LAMA2: variants seen among roughly 807,000 people sequenced by gnomAD.
The protein encoded by LAMA2 is laminin subunit alpha-2.
In LAMA2, 269 loss-of-function variants were observed where a neutral mutation model predicts 364.8. The observed-to-expected ratio is 0.74, with a 90% CI of 0.67 to 0.82. The LOEUF is 0.82. Among genes scored for constraint, LAMA2 ranks in the 40% least tolerant of loss-of-function variants. LAMA2 has a pLI of 0.00. For synonymous variants in LAMA2, 1,379 were observed against 1,370.6 expected (o/e 1.01, Z -0.14); for missense variants, 3,807 against 3,873.2 (o/e 0.98, Z 0.45).
At chr6:128,942,842 T>C (rs1041109968) in intron 1 of LAMA2, among the ~76,000 whole-genome samples, 4 of 152,120 alleles carry the variant, frequency 2.6e-5, no homozygotes, top group Non-Finnish European at 5.9e-5. Context: ...GGGAGCTCAT[T>C]TGGGGTGGCA....
At chr6:128,930,851 G>T (rs1293364835) in intron 1 of LAMA2, among the ~76,000 whole-genome samples, 4 of 152,142 alleles carry the variant, frequency 2.6e-5, no homozygotes, top group Non-Finnish European at 5.9e-5. Flanking sequence ...ATCACAGTGT[G>T]CATCTCAACT....
chr6:129,336,486 T>G (rs930677592), intron 29 of LAMA2, among the ~76,000 whole-genome samples: 18 of 152,230 alleles, frequency 1.2e-4, no homozygotes, highest in African/African-American at 4.3e-4. Context: ...AAACTGTGTA[T>G]GTACCAGGAC....
At chr6:129,238,600 AGAG>A (rs1785175757) in intron 12 of LAMA2, among the ~76,000 whole-genome samples, 1 of 151,916 alleles carries the variant, frequency 6.6e-6, no homozygotes, top group Admixed American at 6.6e-5. Flanking sequence ...AGAGAGAGAG[AGAG>A]AAAGCCCAAG....
At chr6:129,154,872 C>T (rs995964575) in intron 8 of LAMA2, among the ~76,000 whole-genome samples, 189 bp downstream of exon 8, 2 of 152,176 alleles carry the variant, frequency 1.3e-5, no homozygotes, top group African/African-American at 4.8e-5. Context: ...ACTTTTCCAT[C>T]ACTCCAGAAA....
At chr6:129,034,004 T>C (rs377629358) in intron 1 of LAMA2, among the ~76,000 whole-genome samples, 1 of 151,884 alleles carries the variant, frequency 6.6e-6, no homozygotes, top group African/African-American at 2.4e-5. Flanking sequence ...TAATTTTAAA[T>C]GGGTGATGGA....
At chr6:129,140,757 A>C (rs955912765) in intron 4 of LAMA2, among the ~76,000 whole-genome samples, 63 of 152,052 alleles carry the variant, frequency 4.1e-4, no homozygotes, top group Non-Finnish European at 7.8e-4. Context: ...AATACACACA[A>C]AACGGTGGAA....
intron 1 of LAMA2, among the ~76,000 whole-genome samples, chr6:129,013,557 A>T (rs144951479): frequency 2.6e-5 from 4 of 152,332 alleles, no homozygotes; most frequent in Non-Finnish European, 5.9e-5. Flanking sequence ...GTATGAGCAT[A>T]GAAGGTGTGG....
chr6:129,448,417 G>C (rs933531677), intron 45 of LAMA2, among the ~76,000 whole-genome samples: 1 of 152,156 alleles, frequency 6.6e-6, no homozygotes. Context: ...CTTATTTTTT[G>C]TAAGACGTTA....
Position 128,914,934 on chromosome 6 carries a change from C to T in LAMA2, c.112+31577C>T, listed in dbSNP as rs144421944. 1.7e-3 allele frequency among the ~76,000 whole-genome samples: 253 copies of T among 151,980 alleles called. 3 individuals carry two copies. The highest frequency in any genetic ancestry group is 0.015 in the Admixed American group (226 of 15,268). On this transcript the variant is annotated intron_variant, in intron 1 of 64. Transcript: ENST00000421865. ...CATTTTTAAATCATATTAAAAATAG[C>T]AAAAATATTACTTCTTCAAAAATGC...
At chr6:129,170,750 A>T (rs1283489374) in intron 9 of LAMA2, among the ~76,000 whole-genome samples, 2 of 151,900 alleles carry the variant, frequency 1.3e-5, no homozygotes, top group African/African-American at 4.8e-5. Flanking sequence ...TGTCTCGTTG[A>T]TCTGTCTAAT....
chr6:128,992,652 A>C (rs962644060), intron 1 of LAMA2, among the ~76,000 whole-genome samples: 1 of 152,216 alleles, frequency 6.6e-6, no homozygotes, highest in Non-Finnish European at 1.5e-5. Context: ...TTCAACAAAA[A>C]AGTCTGTATT....
At chr6:129,100,481 A>G (rs1367863472) in intron 4 of LAMA2, among the ~76,000 whole-genome samples, 4 of 152,230 alleles carry the variant, frequency 2.6e-5, no homozygotes, top group Non-Finnish European at 5.9e-5. Context: ...TATTCATTTT[A>G]TATAGCTTAC....
At chr6:129,357,130 A>C (rs1214006356) in intron 32 of LAMA2, among the ~76,000 whole-genome samples, 1 of 152,098 alleles carries the variant, frequency 6.6e-6, no homozygotes. Flanking sequence ...TTATAAAATG[A>C]GAACAACTAA....
chr6:129,405,087 C>A (rs147146794), intron 40 of LAMA2, among the ~76,000 whole-genome samples: 140 of 152,178 alleles, frequency 9.2e-4, no homozygotes, highest in African/African-American at 3.2e-3. Flanking sequence ...CTTTTCAAAT[C>A]TAAACTAAAT....
At chr6:128,931,830 A>G (rs11965729) in intron 1 of LAMA2, among the ~76,000 whole-genome samples, 1,540 of 152,282 alleles carry the variant, frequency 0.01, 31 homozygotes, top group African/African-American at 0.035. Context: ...TACATTACAG[A>G]ATTGTTACTT....
chr6:129,118,290 A>C (rs1020160235), intron 4 of LAMA2, among the ~76,000 whole-genome samples: 2 of 152,144 alleles, frequency 1.3e-5, no homozygotes, highest in African/African-American at 4.8e-5. Context: ...AAAAAACAAA[A>C]ACTGGATCTA....
chr6:129,413,240 C>A (rs72979197), intron 40 of LAMA2, among the ~76,000 whole-genome samples: 2,476 of 151,828 alleles, frequency 0.016, 29 homozygotes, highest in Non-Finnish European at 0.025. Context: ...ATAAAAGGAA[C>A]AAGGAAAACT....
chr6:129,164,378 CT>C (rs1205295604), intron 8 of LAMA2, among the ~76,000 whole-genome samples: 1 of 152,160 alleles, frequency 6.6e-6, no homozygotes, highest in African/African-American at 2.4e-5. Context: ...TATTTTCGAA[CT>C]GTGGTTAACC....
At chr6:129,507,400 CAT>C (rs1786178303) in intron 61 of LAMA2, 87 bp from the exon 62 acceptor site, 1 of 1,369,166 alleles carries the variant, frequency 7.3e-7, no homozygotes. Flanking sequence ...TAACTACACA[CAT>C]AGAGCACCCT....
Sources: allele counts gnomAD v4.1 joint callset (sites outside exome capture counted in the v4.1 genomes callset), GRCh38; gene constraint gnomAD v4.1.1; transcripts MANE v1.5; gene names NCBI Gene and HGNC (gene_info 2026-07-23, HGNC 2026-07-21).